HYCC1: variants seen among roughly 807,000 people sequenced by gnomAD.
The protein encoded by HYCC1 is hyccin.
At chr7:22,917,880 C>T in the HYCC1 span, among the ~76,000 whole-genome samples, 2 of 152,134 alleles carry the variant, frequency 1.3e-5, no homozygotes, top group Non-Finnish European at 2.9e-5. Flanking sequence ...CTCTTATTCT[C>T]GTTCCCATTC....
chr7:22,962,564 G>C, the HYCC1 span, among the ~76,000 whole-genome samples: 4 of 147,406 alleles, frequency 2.7e-5, no homozygotes, highest in Non-Finnish European at 4.5e-5. Flanking sequence ...AGACCAATTC[G>C]GCTCTGAGGG....
At chr7:22,924,132 C>G in the HYCC1 span, among the ~76,000 whole-genome samples, 2 of 142,508 alleles carry the variant, frequency 1.4e-5, no homozygotes, top group Non-Finnish European at 3.0e-5. Flanking sequence ...TGAGGGAGAT[C>G]ATGTCACTGC....
At chr7:22,958,880 A>T in the HYCC1 span, among the ~76,000 whole-genome samples, 1 of 152,180 alleles carries the variant, frequency 6.6e-6, no homozygotes, top group East Asian at 1.9e-4. Flanking sequence ...ATTAAAATTC[A>T]TTCTTGTGCT....
the HYCC1 span, among the ~76,000 whole-genome samples, chr7:22,983,194 T>C: frequency 1.3e-5 from 2 of 151,890 alleles, no homozygotes; most frequent in African/African-American, 4.8e-5. Flanking sequence ...CCAGGTGTGA[T>C]GGTGCACGAC....
the HYCC1 span, among the ~76,000 whole-genome samples, chr7:23,013,169 G>A: frequency 6.6e-6 from 1 of 152,228 alleles, no homozygotes; most frequent in African/African-American, 2.4e-5. Context: ...ACTTGGGGGT[G>A]TTTTAATGCA....
At chr7:22,953,572 G>C in the HYCC1 span, among the ~76,000 whole-genome samples, 1 of 151,772 alleles carries the variant, frequency 6.6e-6, no homozygotes, top group Non-Finnish European at 1.5e-5. Context: ...TCTGTACACA[G>C]TCTTTCTTTC....
At chr7:22,946,032 G>C in the HYCC1 span, 2 of 1,613,512 alleles carry the variant, frequency 1.2e-6, no homozygotes, top group Non-Finnish European at 1.7e-6. Context: ...CCTATACTTG[G>C]CTTGTTACTA....
the HYCC1 span, among the ~76,000 whole-genome samples, chr7:22,933,062 T>C: frequency 6.6e-6 from 1 of 152,164 alleles, no homozygotes; most frequent in Admixed American, 6.6e-5. Flanking sequence ...AAAAGATTTT[T>C]TAGAGCCTTC....
At chr7:22,971,408 G>A in the HYCC1 span, among the ~76,000 whole-genome samples, 2 of 150,834 alleles carry the variant, frequency 1.3e-5, no homozygotes, top group African/African-American at 4.9e-5. Context: ...GGCCGGGTGT[G>A]GTGGCTCACA....
chr7:22,923,915 G>C, the HYCC1 span, among the ~76,000 whole-genome samples: 5 of 150,504 alleles, frequency 3.3e-5, no homozygotes, highest in African/African-American at 1.2e-4. Context: ...ACAGCACTTT[G>C]GAAAGCCCAG....
At chr7:22,896,657 T>TG in the HYCC1 span, among the ~76,000 whole-genome samples, 2 of 152,234 alleles carry the variant, frequency 1.3e-5, no homozygotes, top group Non-Finnish European at 2.9e-5. Context: ...GAGCATTCCC[T>TG]GGCAGAGAGG....
the HYCC1 span, among the ~76,000 whole-genome samples, chr7:22,982,484 T>C: frequency 6.6e-6 from 1 of 152,204 alleles, no homozygotes; most frequent in Non-Finnish European, 1.5e-5. Flanking sequence ...GGTAGTTTCA[T>C]CCCAGAGATA....
At chr7:22,917,594 G>A in the HYCC1 span, among the ~76,000 whole-genome samples, 4 of 152,110 alleles carry the variant, frequency 2.6e-5, no homozygotes, top group Non-Finnish European at 5.9e-5. Flanking sequence ...TTTCCCACAG[G>A]GCCTGAAAAG....
chr7:22,923,281 G>C, the HYCC1 span, among the ~76,000 whole-genome samples: 1 of 152,104 alleles, frequency 6.6e-6, no homozygotes, highest in East Asian at 1.9e-4. Context: ...CAAATATGTA[G>C]AAATAAAACA....
chr7:22,988,150 C>T, the HYCC1 span, among the ~76,000 whole-genome samples: 1 of 152,170 alleles, frequency 6.6e-6, no homozygotes, highest in Non-Finnish European at 1.5e-5. Flanking sequence ...TTTAGAATAA[C>T]ACTCCAAATA....
the HYCC1 span, among the ~76,000 whole-genome samples, chr7:22,971,684 A>C: frequency 1.3e-5 from 2 of 151,638 alleles, no homozygotes; most frequent in African/African-American, 4.8e-5. Flanking sequence ...TCACAAAAAA[A>C]AAAAAAAAAA....
At chr7:22,980,493 T>C in the HYCC1 span, among the ~76,000 whole-genome samples, 1 of 152,130 alleles carries the variant, frequency 6.6e-6, no homozygotes, top group Non-Finnish European at 1.5e-5. Flanking sequence ...CATTCATAAG[T>C]AACAAGTCTG....
the HYCC1 span, among the ~76,000 whole-genome samples, chr7:22,929,642 G>GATACCA: frequency 6.6e-6 from 1 of 152,190 alleles, no homozygotes; most frequent in Non-Finnish European, 1.5e-5. Flanking sequence ...ACCACAATGA[G>GATACCA]ATACCATCTC....
chr7:22,988,322 T>C, the HYCC1 span, among the ~76,000 whole-genome samples: 5 of 152,192 alleles, frequency 3.3e-5, no homozygotes, highest in Admixed American at 6.5e-5. Flanking sequence ...CTACTTAAAC[T>C]ACATTTTATT....
Sources: allele counts gnomAD v4.1 joint callset (sites outside exome capture counted in the v4.1 genomes callset), GRCh38; gene constraint gnomAD v4.1.1; transcripts MANE v1.5; gene names NCBI Gene and HGNC (gene_info 2026-07-23, HGNC 2026-07-21).